The following PLD1 variants were observed in gnomAD, a reference collection of about 807,000 sequenced individuals.
PLD1 encodes phospholipase D1.
Under a neutral mutation model 137.1 loss-of-function variants are expected in PLD1, and 112 were observed. The observed-to-expected ratio is 0.82, with a 90% CI of 0.70 to 0.96. The LOEUF (loss-of-function observed/expected upper bound fraction) is 0.96. PLD1 is among the 40% of genes least tolerant of loss of function. The pLI, the probability that PLD1 is intolerant of heterozygous loss-of-function variation, is 0.00. For missense variants in PLD1, 1,321 were observed against 1,342.0 expected (o/e 0.98, Z 0.24); for synonymous variants, 431 against 454.7 (o/e 0.95, Z 0.66).
At chr3:171,648,246 C>A (rs1054369598) in intron 21 of PLD1, among the ~76,000 whole-genome samples, 2 of 152,014 alleles carry the variant, frequency 1.3e-5, no homozygotes, top group African/African-American at 4.8e-5. Flanking sequence ...GTCATGTGGT[C>A]ATTCTATGTT....
chr3:171,749,525 G>T (rs1720506564), intron 1 of PLD1, among the ~76,000 whole-genome samples: 2 of 152,164 alleles, frequency 1.3e-5, no homozygotes, highest in Non-Finnish European at 1.5e-5. Flanking sequence ...CAGTAATTGA[G>T]GTAGTGCTTT....
intron 1 of PLD1, among the ~76,000 whole-genome samples, chr3:171,751,981 C>T (rs1399431798): frequency 3.4e-5 from 5 of 144,998 alleles, no homozygotes; most frequent in South Asian, 2.1e-4. Flanking sequence ...CCAGCCTGGG[C>T]GACAGAGCGA....
intron 1 of PLD1, chr3:171,809,316 T>G (rs1171128709): frequency 1.3e-5 from 2 of 152,232 alleles, no homozygotes; most frequent in Non-Finnish European, 2.9e-5. Flanking sequence ...CTTATTCAAA[T>G]AGGCAGTGTG....
chr3:171,722,848 C>CT (rs1411849323), intron 8 of PLD1, among the ~76,000 whole-genome samples: 1 of 151,934 alleles, frequency 6.6e-6, no homozygotes, highest in East Asian at 1.9e-4. Flanking sequence ...CTTCATTTCT[C>CT]TTTTTTTAAT....
At chr3:171,752,439 T>A (rs1720731380) in intron 1 of PLD1, among the ~76,000 whole-genome samples, 1 of 152,224 alleles carries the variant, frequency 6.6e-6, no homozygotes, top group African/African-American at 2.4e-5. Context: ...GTTATCTATT[T>A]GCAGCTCTTT....
chr3:171,773,962 A>T (rs1722502234), intron 1 of PLD1, among the ~76,000 whole-genome samples: 1 of 152,030 alleles, frequency 6.6e-6, no homozygotes, highest in East Asian at 1.9e-4. Flanking sequence ...GTTAGCCAGG[A>T]TGGTCTCGAT....
intron 1 of PLD1, among the ~76,000 whole-genome samples, chr3:171,779,352 G>A (rs1722700691): frequency 6.6e-6 from 1 of 152,186 alleles, no homozygotes; most frequent in South Asian, 2.1e-4. Flanking sequence ...TGTGGGTCGT[G>A]ATGCAGAGTG....
intron 1 of PLD1, among the ~76,000 whole-genome samples, chr3:171,759,799 A>C (rs560383697): frequency 6.6e-6 from 1 of 152,214 alleles, no homozygotes; most frequent in East Asian, 1.9e-4. Flanking sequence ...CCAATATTCA[A>C]TTTACATTTT....
intron 23 of PLD1, among the ~76,000 whole-genome samples, chr3:171,620,740 CTCTA>C (rs1352860347): frequency 0.035 from 2,845 of 80,222 alleles, 37 homozygotes; most frequent in South Asian, 0.077. Flanking sequence ...CTCTCTCTCT[CTCTA>C]TATATATATA....
At chr3:171,797,649 C>T (rs1289849391) in intron 1 of PLD1, among the ~76,000 whole-genome samples, 1 of 152,090 alleles carries the variant, frequency 6.6e-6, no homozygotes, top group Non-Finnish European at 1.5e-5. Context: ...AATACTATAG[C>T]ATATTATGGA....
chr3:171,701,909 G>A (rs962588361), intron 11 of PLD1, among the ~76,000 whole-genome samples: 1 of 152,142 alleles, frequency 6.6e-6, no homozygotes, highest in African/African-American at 2.4e-5. Flanking sequence ...GAGATATTAA[G>A]ACGTACCTCT....
At chr3:171,727,625 A>G (rs574893975) in intron 6 of PLD1, among the ~76,000 whole-genome samples, 2 of 152,292 alleles carry the variant, frequency 1.3e-5, no homozygotes, top group East Asian at 1.9e-4. Flanking sequence ...ACTACCCTCA[A>G]TGAAGTTCTG....
intron 1 of PLD1, among the ~76,000 whole-genome samples, chr3:171,763,459 G>A (rs1368659233): frequency 3.3e-5 from 1 of 30,602 alleles, no homozygotes; most frequent in East Asian, 1.2e-3. Context: ...GAGGAGGGGA[G>A]GGGAGGGGAG....
chr3:171,737,237 A>C (rs1268576684), intron 3 of PLD1, among the ~76,000 whole-genome samples: 1 of 152,252 alleles, frequency 6.6e-6, no homozygotes, highest in Non-Finnish European at 1.5e-5. Flanking sequence ...TGGGGAGAGA[A>C]GAAGATTAAG....
At chr3:171,628,395 G>C (rs189921747) in intron 23 of PLD1, among the ~76,000 whole-genome samples, 1 of 152,264 alleles carries the variant, frequency 6.6e-6, no homozygotes, top group East Asian at 1.9e-4. Context: ...AAAGAGTCCA[G>C]GACCAGATGG....
rs1402106538 is a variant in PLD1, at chr3:171,601,993, A to C, written c.*1085T>G. Reference sequence around the variant, plus strand: ...GTAGCACATATTTTATAATCAATTAATTTTTCTCAAAGAAGATAATGTAGC... The same window carrying C: ...GTAGCACATATTTTATAATCAATTACTTTTTCTCAAAGAAGATAATGTAGC... On this transcript the variant is annotated 3_prime_UTR_variant, in exon 27 of 27. Coordinates refer to ENST00000351298, the MANE Select transcript of PLD1 (RefSeq NM_002662.5). 2 of 152,180 alleles carry C rather than the reference A, an allele frequency of 1.3e-5. No homozygotes were observed. The highest frequency in any genetic ancestry group is 4.8e-5 in the African/African-American group (2 of 41,448). 9.4% of individuals were successfully genotyped at this position (152,180 alleles called of 1,614,324 possible). A position where few individuals can be genotyped will look rare whatever the true frequency, so the allele number is the denominator to read the frequency against.
At chr3:171,634,966 C>T (rs957544669) in intron 23 of PLD1, among the ~76,000 whole-genome samples, 30 of 152,114 alleles carry the variant, frequency 2.0e-4, no homozygotes, top group African/African-American at 7.0e-4. Context: ...TATTATTCTA[C>T]CAACTGGCTC....
At chr3:171,610,284 T>C (rs1276282222) in intron 25 of PLD1, among the ~76,000 whole-genome samples, 7 of 152,206 alleles carry the variant, frequency 4.6e-5, no homozygotes, top group Non-Finnish European at 7.3e-5. Flanking sequence ...CATTAACATA[T>C]TGTAGAAGAA....
intron 1 of PLD1, among the ~76,000 whole-genome samples, chr3:171,790,120 G>A (rs1370340325): frequency 6.6e-6 from 1 of 152,194 alleles, no homozygotes; most frequent in East Asian, 1.9e-4. Context: ...TCAAAAGGGA[G>A]ATTATCCTGA....
Sources: gnomAD v4.1 joint callset for allele counts (sites outside exome capture counted in the v4.1 genomes callset) on GRCh38, gnomAD v4.1.1 for gene constraint, MANE v1.5 for transcripts, NCBI Gene and HGNC (gene_info 2026-07-23, HGNC 2026-07-21) for gene names.